Variants in ARHGEF7 observed in about 807,000 individuals in gnomAD.
ARHGEF7 encodes Rho guanine nucleotide exchange factor 7, also known as PAK-interacting exchange factor beta.
ARHGEF7 carries 33 observed loss-of-function variants against 109.8 expected under a neutral mutation model. The ratio of observed to expected loss-of-function variants is 0.30; its 90% CI spans 0.23 to 0.40. The LOEUF is 0.40. Among genes scored for constraint, ARHGEF7 ranks in the 10% least tolerant of loss-of-function variants. The pLI is 1.00. For missense variants in ARHGEF7, 938 were observed against 1,098.5 expected (o/e 0.85, Z 2.07); for synonymous variants, 458 against 424.6 (o/e 1.08, Z -0.97).
At chr13:111,115,193 A>AGGGCGCGGGGCGGCGCGGGCC (rs1231382340), upstream of ARHGEF7, 22 of 142,260 alleles carry the variant, frequency 1.5e-4, no homozygotes, top group Admixed American at 3.5e-4. Context: ...GAGGCTGCGC[A>AGGGCGCGGGGCGGCGCGGGCC]GGGCGCGGGG....
chr13:111,200,023 T>C (rs1054371918), intron 2 of ARHGEF7, among the ~76,000 whole-genome samples: 1 of 152,216 alleles, frequency 6.6e-6, no homozygotes, highest in Non-Finnish European at 1.5e-5. Flanking sequence ...TTCTGACTCA[T>C]GTTACGGGTA....
chr13:111,248,160 A>G (rs531011172), intron 8 of ARHGEF7, among the ~76,000 whole-genome samples: 208 of 150,954 alleles, frequency 1.4e-3, no homozygotes, highest in Non-Finnish European at 2.3e-3. Context: ...TTTTTTTCCC[A>G]TGGATACTGA....
intron 21 of ARHGEF7, among the ~76,000 whole-genome samples, chr13:111,302,332 G>C (rs544197307): frequency 1.3e-5 from 2 of 152,230 alleles, no homozygotes; most frequent in African/African-American, 2.4e-5. Flanking sequence ...AGCTAGGTGA[G>C]GGAAGGTTGG....
At position 111,303,209 on chromosome 13, in the gene ARHGEF7, GCTGGGT is replaced by G; in HGVS notation, c.*97_*102del. 1 of 1,001,464 alleles carries G rather than the reference GCTGGGT, an allele frequency of 1.0e-6. No homozygotes were observed. The highest frequency in any genetic ancestry group is 1.4e-6 in the Non-Finnish European group (1 of 711,898). 62.0% of individuals were successfully genotyped at this position (1,001,464 alleles called of 1,614,324 possible). The stretch of plus-strand genomic sequence containing the variant: ...GGTGCACTCAGGACCACAGGGCAGG[GCTGGGT>G]GGGGCGCCACCTTGCTCTCTGTATA... On this transcript the variant is annotated 3_prime_UTR_variant, in exon 22 of 22. Transcript: ENST00000646102.
intron 2 of ARHGEF7, among the ~76,000 whole-genome samples, chr13:111,198,644 C>G (rs987446780): frequency 6.6e-6 from 1 of 151,876 alleles, no homozygotes; most frequent in African/African-American, 2.4e-5. Flanking sequence ...AGCTGCAGAC[C>G]CTTGCGGTGA....
chr13:111,224,031 AT>A (rs2084842873), intron 5 of ARHGEF7, among the ~76,000 whole-genome samples: 1 of 151,996 alleles, frequency 6.6e-6, no homozygotes, highest in Non-Finnish European at 1.5e-5. Context: ...TAATTTGTGT[AT>A]TTTTAGTAGA....
chr13:111,179,324 T>G lies in ARHGEF7; in HGVS notation c.252+25333T>G, dbSNP rs138958446. The stretch of plus-strand genomic sequence containing the variant: ...GTCTTGAACTCCTGACCTCAGGTGA[T>G]CCTCCCGCCTTGGCCACCCGAAGTG... On this transcript the variant is annotated intron_variant, in intron 2 of 21. Coordinates refer to ENST00000646102, the MANE Select transcript of ARHGEF7 (RefSeq NM_001354046.2). 3.4e-4 allele frequency among the ~76,000 whole-genome samples: 52 copies of G among 152,200 alleles called. No individual in the cohort carries two copies. In the East Asian group the frequency reaches 0.01, roughly 29 times the overall value.
intron 3 of ARHGEF7, among the ~76,000 whole-genome samples, chr13:111,206,239 G>C (rs532482366): frequency 2.8e-4 from 43 of 151,814 alleles, no homozygotes; most frequent in African/African-American, 8.7e-4. Context: ...TCAGAGGGGG[G>C]GGTGTACTTG....
chr13:111,150,584 C>T (rs1463129293), intron 1 of ARHGEF7, among the ~76,000 whole-genome samples: 3 of 152,186 alleles, frequency 2.0e-5, no homozygotes, highest in African/African-American at 7.2e-5. Flanking sequence ...CAAATGTTTT[C>T]CCAGCAGTTA....
chr13:111,234,533 G>A (rs981819699), intron 6 of ARHGEF7, among the ~76,000 whole-genome samples: 1 of 152,152 alleles, frequency 6.6e-6, no homozygotes, highest in African/African-American at 2.4e-5. Context: ...GAACACAATG[G>A]TCTTTTGTTG....
chr13:111,127,971 G>C (rs1354298960), intron 1 of ARHGEF7, among the ~76,000 whole-genome samples: 1 of 152,148 alleles, frequency 6.6e-6, no homozygotes, highest in Non-Finnish European at 1.5e-5. Context: ...TTATCTCAAT[G>C]GATGGCAGAA....
At chr13:111,143,639 CAACTT>C (rs1215548741) in intron 1 of ARHGEF7, 3 of 152,224 alleles carry the variant, frequency 2.0e-5, no homozygotes, top group Non-Finnish European at 4.4e-5. Context: ...CCACCAGACT[CAACTT>C]GAGTTGTCTT....
chr13:111,161,920 C>T (rs908138161), intron 2 of ARHGEF7, among the ~76,000 whole-genome samples: 1 of 152,134 alleles, frequency 6.6e-6, no homozygotes, highest in African/African-American at 2.4e-5. Context: ...GTAATAATCC[C>T]CATTTTTGGA....
chr13:111,162,068 C>T (rs1594133177), intron 2 of ARHGEF7, among the ~76,000 whole-genome samples: 1 of 152,198 alleles, frequency 6.6e-6, no homozygotes, highest in Non-Finnish European at 1.5e-5. Context: ...AAGGTGGGGG[C>T]TTTCAAAGGC....
intron 1 of ARHGEF7, among the ~76,000 whole-genome samples, chr13:111,141,827 G>A (rs533548477): frequency 9.9e-5 from 15 of 152,174 alleles, no homozygotes; most frequent in Admixed American, 3.3e-4. Context: ...TCAGCCCCAC[G>A]TGGGTAAATA....
intron 2 of ARHGEF7, among the ~76,000 whole-genome samples, chr13:111,157,549 A>G (rs955776676): frequency 6.6e-6 from 1 of 151,992 alleles, no homozygotes; most frequent in Non-Finnish European, 1.5e-5. Flanking sequence ...CCTGGACAAC[A>G]GAGCAAAACT....
At chr13:111,133,161 A>G in intron 1 of ARHGEF7, among the ~76,000 whole-genome samples, 1 of 152,108 alleles carries the variant, frequency 6.6e-6, no homozygotes, top group East Asian at 1.9e-4. Flanking sequence ...ACGTGTATAT[A>G]TGTGTATATA....
At chr13:111,277,097 A>G (rs2092532230) in intron 12 of ARHGEF7, among the ~76,000 whole-genome samples, 2 of 152,180 alleles carry the variant, frequency 1.3e-5, no homozygotes, top group Admixed American at 6.5e-5. Context: ...ACCAAAATTG[A>G]TTTTAACATT....
intron 9 of ARHGEF7, among the ~76,000 whole-genome samples, chr13:111,268,031 G>A (rs1407264201): frequency 6.6e-6 from 1 of 152,196 alleles, no homozygotes; most frequent in East Asian, 1.9e-4. Flanking sequence ...AGCTGTAACA[G>A]AAAGTATCTC....
Sources: gnomAD v4.1 joint callset for allele counts (sites outside exome capture counted in the v4.1 genomes callset) on GRCh38, gnomAD v4.1.1 for gene constraint, MANE v1.5 for transcripts, NCBI Gene and HGNC (gene_info 2026-07-23, HGNC 2026-07-21) for gene names.